Variants in PGLYRP4 observed in about 807,000 individuals in gnomAD.
PGLYRP4 encodes PGRP-I-beta.
A neutral mutation model predicts 41.2 loss-of-function variants in PGLYRP4; 39 were observed. That is an observed-to-expected ratio of 0.95 (90% confidence interval 0.73 to 1.24). PGLYRP4 has a LOEUF of 1.24. Ranked by LOEUF, PGLYRP4 falls within the 50% of genes most tolerant of loss-of-function variation. The pLI is 0.00. For missense variants in PGLYRP4, 467 were observed against 460.7 expected (o/e 1.01, Z -0.13); for synonymous variants, 202 against 186.8 (o/e 1.08, Z -0.66).
chr1:153,347,958 C>G lies in PGLYRP4; in HGVS notation c.-26G>C, dbSNP rs751412676. ...CCCCACGTGGTCCCAGGACACCAATCTGGAGAGTGTGGATGGCAGCCTGAG... is the reference window on the plus strand; with the variant it reads ...CCCCACGTGGTCCCAGGACACCAATGTGGAGAGTGTGGATGGCAGCCTGAG... On this transcript the variant is annotated 5_prime_UTR_variant, in exon 2 of 9. Coordinates refer to ENST00000359650, the MANE Select transcript of PGLYRP4 (RefSeq NM_020393.4). 1.2e-6 allele frequency: 2 copies of G among 1,603,020 alleles called. No individual in the cohort carries two copies.
chr1:153,345,422 G>T (rs147898689), intron 3 of PGLYRP4, 40 bp from the exon 4 acceptor site: 3 of 1,546,760 alleles, frequency 1.9e-6, no homozygotes, highest in Non-Finnish European at 1.8e-6. Flanking sequence ...CATCACTACC[G>T]CATTAGCCCG....
rs1203523348 is a variant in PGLYRP4, at chr1:153,330,783, G to A, written c.1106C>T (p.Pro369Leu). Residue 369 changes from proline (P) to leucine (L), a missense_variant, in exon 9 of 9, where the codon CCT (proline) becomes CTT (leucine). By Grantham distance (98) the Pro-to-Leu change is moderately conservative. Transcript: ENST00000359650. ...QALYNIISTW[P>L]HFKH ...GGGCTTCTCTCAGTGTTTGAAATGA[G>A]GCCAGGTGCTGATGATGTTGTACAA... is the stretch of plus-strand genomic sequence containing the variant. 1.2e-6 allele frequency: 2 copies of A among 1,613,538 alleles called. No homozygotes were observed. The highest frequency in any genetic ancestry group is 2.7e-5 in the African/African-American group (2 of 74,860).
chr1:153,342,126 A>AAT (rs1660828530), intron 5 of PGLYRP4, among the ~76,000 whole-genome samples: 2 of 152,218 alleles, frequency 1.3e-5, no homozygotes, highest in African/African-American at 4.8e-5. Context: ...CTTTGCCTAC[A>AAT]ATAACTCATT....
intron 4 of PGLYRP4, 94 bp downstream of exon 4, chr1:153,345,075 C>G: frequency 3.2e-6 from 3 of 947,662 alleles, no homozygotes; most frequent in Non-Finnish European, 4.9e-6. Context: ...GACCACAACC[C>G]AGAAAATGAG....
At chr1:153,345,859 A>G (rs1660989103) in intron 3 of PGLYRP4, among the ~76,000 whole-genome samples, 1 of 152,148 alleles carries the variant, frequency 6.6e-6, no homozygotes, top group Non-Finnish European at 1.5e-5. Flanking sequence ...CTCCCTCCAC[A>G]GGGAGTCCCT....
chr1:153,340,236 C>G (rs1028276144), intron 7 of PGLYRP4, 145 bp downstream of exon 7: 2 of 702,306 alleles, frequency 2.8e-6, no homozygotes, highest in Admixed American at 5.0e-5. Context: ...CAGGCAGGGT[C>G]GTGTGATGAA....
At chr1:153,348,078 T>C (rs1661093590) in intron 1 of PGLYRP4, 100 bp from the exon 2 acceptor site, 2 of 658,200 alleles carry the variant, frequency 3.0e-6, no homozygotes, top group Non-Finnish European at 5.4e-6. Context: ...TCTACCATCC[T>C]GTGGCCTCCT....
At chr1:153,339,354 A>G (rs1052764546) in intron 7 of PGLYRP4, among the ~76,000 whole-genome samples, 8 of 152,336 alleles carry the variant, frequency 5.3e-5, no homozygotes, top group African/African-American at 1.4e-4. Flanking sequence ...GTTTTCTCCT[A>G]TCTTGAAAAG....
At chr1:153,333,393 AC>A (rs1378772375) in intron 8 of PGLYRP4, among the ~76,000 whole-genome samples, 1 of 152,216 alleles carries the variant, frequency 6.6e-6, no homozygotes, top group Non-Finnish European at 1.5e-5. Context: ...TCATTAATAG[AC>A]CAATAACAAA....
intron 8 of PGLYRP4, 49 bp downstream of exon 8, chr1:153,337,132 C>G: frequency 7.8e-7 from 1 of 1,273,942 alleles, no homozygotes; most frequent in South Asian, 1.2e-5. Context: ...GTCAGATGCT[C>G]TCTTTCAAAT....
At chr1:153,342,709 A>G (rs762924157) in intron 5 of PGLYRP4, among the ~76,000 whole-genome samples, 2 of 152,148 alleles carry the variant, frequency 1.3e-5, no homozygotes, top group Non-Finnish European at 2.9e-5. Context: ...CCTGGCAGGA[A>G]CTTGGAAAGC....
At chr1:153,333,630 C>T (rs1660425504) in intron 8 of PGLYRP4, among the ~76,000 whole-genome samples, 1 of 152,110 alleles carries the variant, frequency 6.6e-6, no homozygotes, top group African/African-American at 2.4e-5. Context: ...AAACTACAGG[C>T]CAATAGCCCT....
intron 2 of PGLYRP4, among the ~76,000 whole-genome samples, chr1:153,347,322 A>G (rs889714561): frequency 6.6e-6 from 1 of 151,672 alleles, no homozygotes; most frequent in Admixed American, 6.6e-5. Flanking sequence ...TAGAGGCGTG[A>G]GCAACTGCGC....
chr1:153,342,049 A>G (rs978139592), intron 5 of PGLYRP4, among the ~76,000 whole-genome samples: 10 of 152,200 alleles, frequency 6.6e-5, no homozygotes, highest in African/African-American at 2.4e-4. Flanking sequence ...CACCAAGCCC[A>G]GCAGCACCCG....
At chr1:153,337,560 T>C (rs1660620955) in intron 7 of PGLYRP4, among the ~76,000 whole-genome samples, 1 of 152,150 alleles carries the variant, frequency 6.6e-6, no homozygotes. Context: ...AACCTCTCAC[T>C]ATAGCAGATT....
At chr1:153,332,415 G>T (rs955758123) in intron 8 of PGLYRP4, among the ~76,000 whole-genome samples, 1 of 152,008 alleles carries the variant, frequency 6.6e-6, no homozygotes, top group Non-Finnish European at 1.5e-5. Flanking sequence ...GAGATGAATG[G>T]CAATATAATA....
chr1:153,340,607 G>T, intron 6 of PGLYRP4, 28 bp from the exon 7 acceptor site: 2 of 1,606,178 alleles, frequency 1.2e-6, no homozygotes, highest in Non-Finnish European at 1.7e-6. Flanking sequence ...ACCACAGAGG[G>T]TTCATCTTCC....
At chr1:153,344,586 C>T (rs554887791) in intron 4 of PGLYRP4, among the ~76,000 whole-genome samples, 1 of 152,298 alleles carries the variant, frequency 6.6e-6, no homozygotes, top group African/African-American at 2.4e-5. Flanking sequence ...CAGGAACTGT[C>T]CACAGCTAGC....
intron 6 of PGLYRP4, 83 bp from the exon 7 acceptor site, chr1:153,340,662 C>A: frequency 7.2e-7 from 1 of 1,389,960 alleles, no homozygotes; most frequent in South Asian, 1.3e-5. Context: ...ATATAATGCT[C>A]AGGACCCTCA....
Sources: allele counts gnomAD v4.1 joint callset (sites outside exome capture counted in the v4.1 genomes callset), GRCh38; gene constraint gnomAD v4.1.1; transcripts MANE v1.5; gene names NCBI Gene and HGNC (gene_info 2026-07-23, HGNC 2026-07-21).